NEBL: variants seen among roughly 807,000 people sequenced by gnomAD.
NEBL encodes LIM and SH3 protein 2.
NEBL carries 122 observed loss-of-function variants against 140.2 expected under a neutral mutation model. The ratio of observed to expected loss-of-function variants is 0.87; its 90% CI spans 0.75 to 1.01. NEBL has a LOEUF of 1.01. Among genes scored for constraint, NEBL ranks in the 50% least tolerant of loss-of-function variants. The pLI is 0.00. For synonymous variants in NEBL, 436 were observed against 398.9 expected, an observed-to-expected ratio of 1.09 and a Z score of -1.11; for missense variants, 1,365 against 1,231.3, an observed-to-expected ratio of 1.11 and a Z score of -1.62.
At chr10:20,791,945 C>T (rs1375001240) in intron 26 of NEBL, among the ~76,000 whole-genome samples, 1 of 151,810 alleles carries the variant, frequency 6.6e-6, no homozygotes, top group African/African-American at 2.4e-5. Context: ...AAACAGATAC[C>T]ATTCCCACTT....
chr10:21,275,637 CTTTTT>C (rs11396394), intron 1 of NEBL, among the ~76,000 whole-genome samples: 283 of 119,526 alleles, frequency 2.4e-3, no homozygotes, highest in African/African-American at 9.2e-3. Context: ...ACATTACCAG[CTTTTT>C]TTTTTTTTTT....
At chr10:21,060,670 A>C (rs1352835827) in intron 2 of NEBL, among the ~76,000 whole-genome samples, 3 of 151,180 alleles carry the variant, frequency 2.0e-5, no homozygotes, top group Admixed American at 6.6e-5. Flanking sequence ...TGTATGCAAA[A>C]CTCTTCAAAA....
intron 1 of NEBL, among the ~76,000 whole-genome samples, chr10:21,272,118 AT>A (rs10678454): frequency 2.0e-3 from 155 of 79,092 alleles, no homozygotes; most frequent in Non-Finnish European, 2.1e-3. Flanking sequence ...CACTTGGTTA[AT>A]TTTTTTTTTT....
intron 1 of NEBL, among the ~76,000 whole-genome samples, chr10:21,263,605 T>A (rs1842765614): frequency 6.6e-6 from 1 of 152,144 alleles, no homozygotes; most frequent in South Asian, 2.1e-4. Flanking sequence ...TATTCTTGCT[T>A]TAAAATTAAA....
chr10:20,826,532 T>C lies in NEBL; in HGVS notation c.1784A>G (p.Tyr595Cys), dbSNP rs770246357. ...TTQQNISAVF[Y>C]KKEVGAGTAV... ...AGTGCCAGCTCCCACTTCTTTCTTA[T>C]AAAATACCTTTATTATAAGAAAAGG... Residue 595 changes from tyrosine to cysteine, a missense_variant, in exon 18 of 28, where the codon TAT becomes TGT. By Grantham distance (194) the Tyr-to-Cys change is radical. Coordinates refer to ENST00000377122, the MANE Select transcript of NEBL (RefSeq NM_006393.3). 3.1e-6 allele frequency: 5 copies of C among 1,606,518 alleles called. No homozygotes were observed. In the Admixed American group the frequency reaches 5.0e-5, roughly 16 times the overall value.
chr10:20,832,670 T>C (rs1187006428), intron 14 of NEBL, among the ~76,000 whole-genome samples: 1 of 152,238 alleles, frequency 6.6e-6, no homozygotes, highest in East Asian at 1.9e-4. Context: ...TTTCTTATTA[T>C]GCTGACACAC....
At chr10:20,815,853 C>T (rs1469223357) in intron 21 of NEBL, 136 bp from the exon 22 acceptor site, 1 of 702,054 alleles carries the variant, frequency 1.4e-6, no homozygotes, top group Non-Finnish European at 2.5e-6. Flanking sequence ...ACCACAGCCT[C>T]GATCTCCCAG....
chr10:20,821,036 G>A (rs955042453), intron 19 of NEBL, among the ~76,000 whole-genome samples: 2 of 152,112 alleles, frequency 1.3e-5, no homozygotes, highest in African/African-American at 4.8e-5. Context: ...AGATTCTTGT[G>A]ACCGGGTGAT....
At chr10:21,016,781 A>G (rs912096997) in intron 3 of NEBL, among the ~76,000 whole-genome samples, 1 of 152,256 alleles carries the variant, frequency 6.6e-6, no homozygotes, top group Non-Finnish European at 1.5e-5. Context: ...GCTCTCATGC[A>G]GAATCAAATC....
chr10:21,156,792 T>A (rs1185811390), intron 2 of NEBL, among the ~76,000 whole-genome samples: 3 of 152,162 alleles, frequency 2.0e-5, no homozygotes, highest in Non-Finnish European at 4.4e-5. Flanking sequence ...GAAATATAAA[T>A]CCTAAATCGT....
chr10:20,932,369 T>G (rs1259723590), intron 4 of NEBL, among the ~76,000 whole-genome samples: 1 of 150,558 alleles, frequency 6.6e-6, no homozygotes, highest in Non-Finnish European at 1.5e-5. Flanking sequence ...AGTTAAACAA[T>G]GAGAACACAT....
chr10:20,796,392 A>AAAAAAAAAAAAAAC (rs1836543869), intron 26 of NEBL, among the ~76,000 whole-genome samples: 1 of 149,046 alleles, frequency 6.7e-6, no homozygotes, highest in Non-Finnish European at 1.5e-5. Context: ...AAAAAAAAAA[A>AAAAAAAAAAAAAAC]AACTTCTCTA....
intron 2 of NEBL, among the ~76,000 whole-genome samples, chr10:21,082,956 T>C (rs1836455628): frequency 1.3e-5 from 2 of 152,048 alleles, no homozygotes; most frequent in Admixed American, 6.6e-5. Flanking sequence ...GAGACGGGGT[T>C]TCACCCTGTT....
Position 21,125,411 on chromosome 10 carries a change from G to A in NEBL, c.164+46972C>T, listed in dbSNP as rs140824289. Among the ~76,000 whole-genome samples, 217 of 152,284 alleles carry A rather than the reference G, an allele frequency of 1.4e-3. 4 individuals are homozygous for A. In the East Asian group the frequency reaches 0.035, roughly 25 times the overall value. Reference sequence around the variant, plus strand: ...TCCAAACAACTGTTTTAAATTGGGGGTTGGGGAGAAGAAATGGGAAGTTGC... The same window carrying A: ...TCCAAACAACTGTTTTAAATTGGGGATTGGGGAGAAGAAATGGGAAGTTGC... On this transcript the variant is annotated intron_variant, in intron 2 of 6. Coordinates refer to the NEBL transcript ENST00000417816.
intron 3 of NEBL, among the ~76,000 whole-genome samples, chr10:20,967,011 G>A (rs542573288): frequency 9.2e-5 from 14 of 152,204 alleles, no homozygotes; most frequent in Admixed American, 3.3e-4. Flanking sequence ...GGAGATTCAC[G>A]TTAAAGGAGA....
In NEBL at chr10:21,185,782, C is replaced by G. The variant is rs150635593; in HGVS notation, n.349-13305G>C. ...CAAAGTGTTGGGATTACAGGCGTGA[C>G]CCACTGCGCCCTACCTCTTTCTGCC... On this transcript the variant is annotated intron_variant and non_coding_transcript_variant, in intron 3 of 8. Transcript: ENST00000675702. Among the ~76,000 whole-genome samples, 778 of 152,224 alleles carry G rather than the reference C, an allele frequency of 5.1e-3. 4 individuals carry two copies. Among genetic ancestry groups the G allele is most frequent in the African/African-American group, 0.011 (467 of 41,554 alleles).
In NEBL at chr10:20,782,244, T is replaced by G. The variant is rs897084105; in HGVS notation, c.*3503A>C. ...ATAGAATAGGCAGCAACTTGCTTGC[T>G]TGGTTTTCTTTCCAAGAGCATACTA... On this transcript the variant is annotated 3_prime_UTR_variant, in exon 28 of 28. Coordinates refer to ENST00000377122, the MANE Select transcript of NEBL (RefSeq NM_006393.3). 2 of 152,552 alleles carry G rather than the reference T, an allele frequency of 1.3e-5. No individual in the cohort carries two copies. Among genetic ancestry groups the G allele is most frequent in the African/African-American group, 4.8e-5 (2 of 41,428 alleles). The allele number at this position is 152,552 out of a possible 1,614,324, so 9.4% of individuals were successfully genotyped here. A position where few individuals can be genotyped will look rare whatever the true frequency, so the allele number is the denominator to read the frequency against.
intron 1 of NEBL, among the ~76,000 whole-genome samples, chr10:21,281,707 TTCTGTC>T (rs1360127228): frequency 1.3e-5 from 2 of 151,984 alleles, no homozygotes; most frequent in African/African-American, 4.8e-5. Flanking sequence ...ACTTTGGGGG[TTCTGTC>T]TGTGTTGTGC....
At chr10:21,146,983 C>T (rs1195559286) in intron 2 of NEBL, among the ~76,000 whole-genome samples, 1 of 152,154 alleles carries the variant, frequency 6.6e-6, no homozygotes, top group African/African-American at 2.4e-5. Context: ...ACAAGGTCCT[C>T]CCTGCCATAA....
Sources: allele counts gnomAD v4.1 joint callset (sites outside exome capture counted in the v4.1 genomes callset), GRCh38; gene constraint gnomAD v4.1.1; transcripts MANE v1.5; gene names NCBI Gene and HGNC (gene_info 2026-07-23, HGNC 2026-07-21).